Variants in FGFR1 observed in about 807,000 individuals in gnomAD.
FGFR1 encodes the protein FGFR1/PLAG1 fusion.
FGFR1 carries 18 observed loss-of-function variants against 93.7 expected under a neutral mutation model. The ratio of observed to expected loss-of-function variants is 0.19; its 90% CI spans 0.13 to 0.28. FGFR1 has a LOEUF of 0.28. Ranked by LOEUF, FGFR1 falls within the 10% of genes least tolerant of loss-of-function variation. FGFR1 has a pLI of 1.00. For synonymous variants in FGFR1, 448 were observed against 429.3 expected (o/e 1.04, Z -0.54); for missense variants, 731 against 1,080.4 (o/e 0.68, Z 4.53).
At chr8:38,437,312 T>C (rs1825785998) in intron 2 of FGFR1, among the ~76,000 whole-genome samples, 1 of 152,120 alleles carries the variant, frequency 6.6e-6, no homozygotes, top group African/African-American at 2.4e-5. Flanking sequence ...CTGGGAGCCC[T>C]TGTCACTGTG....
chr8:38,446,430 C>T (rs557655729), intron 2 of FGFR1, among the ~76,000 whole-genome samples: 4 of 151,622 alleles, frequency 2.6e-5, no homozygotes, highest in South Asian at 2.1e-4. Flanking sequence ...AGGCTGGTCT[C>T]GAACTCCTGA....
intron 1 of FGFR1, among the ~76,000 whole-genome samples, chr8:38,462,612 C>T (rs1834651911): frequency 6.6e-6 from 1 of 151,830 alleles, no homozygotes; most frequent in Admixed American, 6.6e-5. Flanking sequence ...ATATTTCTTT[C>T]TTCCTTTCTT....
At chr8:38,460,612 C>CA (rs1279122226) in intron 1 of FGFR1, among the ~76,000 whole-genome samples, 1 of 152,118 alleles carries the variant, frequency 6.6e-6, no homozygotes, top group Non-Finnish European at 1.5e-5. Context: ...TGTTCTTTCC[C>CA]AAAAAAGGTA....
intron 2 of FGFR1, among the ~76,000 whole-genome samples, chr8:38,445,474 C>T (rs553076584): frequency 5.3e-5 from 8 of 152,238 alleles, no homozygotes; most frequent in African/African-American, 1.9e-4. Context: ...TGAAGAAGGG[C>T]TAAAATTATA....
rs781067748 is a variant in FGFR1, at chr8:38,426,095, T to G, written c.745+27A>C. 4.0e-5 allele frequency: 64 copies of G among 1,613,622 alleles called. No homozygotes were observed. Among genetic ancestry groups the G allele is most frequent in the Non-Finnish European group, 4.7e-5 (56 of 1,179,848 alleles). ...AGCCTGGCTCTTCCCACTAAACTCA[T>G]TCCTCCTGCTGCCTCTGCCCTCTTA... On this transcript the variant is annotated intron_variant, in intron 6 of 17. Coordinates refer to ENST00000447712, the MANE Select transcript of FGFR1 (RefSeq NM_023110.3). The surrounding 1 kb of genome is among the most constrained non-coding windows in gnomAD (Gnocchi z 4.1).
chr8:38,465,867 G>T, intron 1 of FGFR1: 1 of 223,328 alleles, frequency 4.5e-6, no homozygotes, highest in Non-Finnish European at 8.9e-6. Context: ...GCAAAGGGTA[G>T]GGCACATCTG....
chr8:38,417,627 T>G, intron 11 of FGFR1: 1 of 716,642 alleles, frequency 1.4e-6, no homozygotes, highest in Non-Finnish European at 2.4e-6. Context: ...GAGGAAAGCC[T>G]GCAAGCGATG....
chr8:38,452,164 G>T (rs143754759), intron 2 of FGFR1, among the ~76,000 whole-genome samples: 1 of 150,488 alleles, frequency 6.6e-6, no homozygotes, highest in Non-Finnish European at 1.5e-5. Flanking sequence ...ACTGCGCTCA[G>T]TGGGGAGGGG....
rs35028972 is a variant in FGFR1, at chr8:38,427,105, T to TAA, written c.621+814_621+815dup. On this transcript the variant is annotated intron_variant, in intron 5 of 17. Transcript: ENST00000447712. ...CTGGGTGACAGAGTGAGACTCCGTC[T>TAA]AAAAAAAAAAAAAAAATGCTTACAC... Among the ~76,000 whole-genome samples, 135 of 134,064 alleles carry TAA rather than the reference T, an allele frequency of 1.0e-3. 2 individuals carry two copies. The highest frequency in any genetic ancestry group is 3.0e-3 in the African/African-American group (108 of 35,892). The allele number at this position is 134,064 out of a possible 152,430, so 88.0% of individuals were successfully genotyped here. A position where few individuals can be genotyped will look rare whatever the true frequency, so the allele number is the denominator to read the frequency against.
rs1461959199 is a variant in FGFR1 at position 38,429,341 on chromosome 8, G to A, written c.358+341C>T. On this transcript the variant is annotated intron_variant, in intron 3 of 17. Coordinates refer to ENST00000447712, the MANE Select transcript of FGFR1 (RefSeq NM_023110.3). The surrounding 1 kb of genome is among the most constrained non-coding windows in gnomAD (Gnocchi z 4.4). Reference sequence around the variant, plus strand: ...CAAGTCCAAATGGCAAGGGAGTGATGGAGTGGAAGCTGGCCGAGCACCACT... The same window carrying A: ...CAAGTCCAAATGGCAAGGGAGTGATAGAGTGGAAGCTGGCCGAGCACCACT... 1 of 605,638 alleles carries A rather than the reference G, an allele frequency of 1.7e-6. No individual in the cohort carries two copies. Among genetic ancestry groups the A allele is most frequent in the East Asian group, 3.8e-5 (1 of 26,164 alleles). 37.5% of individuals were successfully genotyped at this position (605,638 alleles called of 1,614,324 possible). A position where few individuals can be genotyped will look rare whatever the true frequency, so the allele number is the denominator to read the frequency against.
chr8:38,448,829 C>A (rs1212853375), intron 2 of FGFR1, among the ~76,000 whole-genome samples: 1 of 152,094 alleles, frequency 6.6e-6, no homozygotes, highest in East Asian at 1.9e-4. Flanking sequence ...GTGGTGGGTG[C>A]CTGTAATCCC....
chr8:38,468,395 G>C lies in FGFR1; in HGVS notation c.-503C>G, dbSNP rs1356545235. 1 of 228,450 alleles carries C rather than the reference G, an allele frequency of 4.4e-6. No individual in the cohort carries two copies. Among genetic ancestry groups the C allele is most frequent in the Non-Finnish European group, 8.7e-6 (1 of 114,744 alleles). The allele number at this position is 228,450 out of a possible 1,614,324, so 14.2% of individuals were successfully genotyped here. A position where few individuals can be genotyped will look rare whatever the true frequency, so the allele number is the denominator to read the frequency against. ...CTGCGGGGCGCCCCGAGCTCGGACCGGAGAAAAGTCCTTGGGTTCCGCGGC... is the reference window on the plus strand; with the variant it reads ...CTGCGGGGCGCCCCGAGCTCGGACCCGAGAAAAGTCCTTGGGTTCCGCGGC... On this transcript the variant is annotated 5_prime_UTR_variant, in exon 1 of 18. Coordinates refer to ENST00000447712, the MANE Select transcript of FGFR1 (RefSeq NM_023110.3).
chr8:38,463,850 T>G (rs1834942740), intron 1 of FGFR1, among the ~76,000 whole-genome samples: 1 of 152,124 alleles, frequency 6.6e-6, no homozygotes, highest in South Asian at 2.1e-4. Flanking sequence ...GTGACCATTC[T>G]CTACTCACAT....
rs145163663 is a variant in FGFR1 at position 38,460,903 on chromosome 8, T to C, written c.-88-3369A>G. Among the ~76,000 whole-genome samples the C allele has an allele frequency of 1.7e-3, 252 of 152,276 alleles. 1 individual carries two copies. The highest frequency in any genetic ancestry group is 5.6e-3 in the African/African-American group (231 of 41,552). On this transcript the variant is annotated intron_variant, in intron 1 of 17. Coordinates refer to ENST00000447712, the MANE Select transcript of FGFR1 (RefSeq NM_023110.3). ...CTTCCTTCCTTCACTGCTTGACAGA[T>C]AGATGTAACCTGCAGCCTTGCAGGT...
rs763302356 is a variant in FGFR1, at chr8:38,419,704, C to G, written c.1113G>C (p.Ser371=). ...ALEERPAVMT[S]PLYLEIIIYC... ...AGATGATGATCTCCAGGTACAGGGG[C>G]GAGGTCATCACTGCCGGCCTCTCTT... Residue 371 remains serine, a synonymous_variant, in exon 9 of 18, where the codon TCG becomes TCC. Transcript: ENST00000447712. 1 of 1,614,064 alleles carries G rather than the reference C, an allele frequency of 6.2e-7. No homozygotes were observed. Among genetic ancestry groups the G allele is most frequent in the Non-Finnish European group, 8.5e-7 (1 of 1,180,004 alleles).
In FGFR1 at chr8:38,419,704, C is replaced by A. The variant is rs763302356; in HGVS notation, c.1113G>T (p.Ser371=). Residue 371 remains serine, a synonymous_variant, in exon 9 of 18, where the codon TCG becomes TCT. Coordinates refer to ENST00000447712, the MANE Select transcript of FGFR1 (RefSeq NM_023110.3). ...ALEERPAVMT[S]PLYLEIIIYC... ...AGATGATGATCTCCAGGTACAGGGG[C>A]GAGGTCATCACTGCCGGCCTCTCTT... is the stretch of plus-strand genomic sequence containing the variant. The A allele has an allele frequency of 6.2e-7, 1 of 1,614,064 alleles. No homozygotes were observed. Among genetic ancestry groups the A allele is most frequent in the South Asian group, 1.1e-5 (1 of 91,074 alleles).
At chr8:38,461,913 T>C (rs1158354041) in intron 1 of FGFR1, among the ~76,000 whole-genome samples, 3 of 152,186 alleles carry the variant, frequency 2.0e-5, no homozygotes, top group Non-Finnish European at 4.4e-5. Flanking sequence ...CTCAGGAGAT[T>C]TGGTAATTGG....
intron 2 of FGFR1, among the ~76,000 whole-genome samples, chr8:38,449,782 C>T (rs1830477649): frequency 6.6e-6 from 1 of 152,254 alleles, no homozygotes. Flanking sequence ...AAACCAGCTA[C>T]ACGGAGCCCT....
intron 2 of FGFR1, among the ~76,000 whole-genome samples, chr8:38,445,187 G>A (rs1828910618): frequency 6.6e-6 from 1 of 152,150 alleles, no homozygotes; most frequent in Non-Finnish European, 1.5e-5. Flanking sequence ...CTGATGTGAG[G>A]GAAGTGAAGA....
Sources: gnomAD v4.1 joint callset for allele counts (sites outside exome capture counted in the v4.1 genomes callset) on GRCh38, gnomAD v4.1.1 for gene constraint, Gnocchi (gnomAD v3.1) non-coding constraint, MANE v1.5 for transcripts, NCBI Gene and HGNC (gene_info 2026-07-23, HGNC 2026-07-21) for gene names.